The following PKIB variants were observed in gnomAD, a reference collection of about 807,000 sequenced individuals.
PKIB encodes PKI-beta.
Under a neutral mutation model 4.5 loss-of-function variants are expected in PKIB, and 2 were observed. The ratio of observed to expected loss-of-function variants is 0.44; its 90% CI spans 0.18 to 1.39. The LOEUF (loss-of-function observed/expected upper bound fraction) is 1.39. Among genes scored for constraint, PKIB ranks in the 40% most tolerant of loss-of-function variants. The pLI is 0.27. For synonymous variants in PKIB, 38 were observed against 36.0 expected (o/e 1.06, Z -0.20); for missense variants, 94 against 92.6 (o/e 1.02, Z -0.06).
intron 2 of PKIB, among the ~76,000 whole-genome samples, chr6:122,535,614 C>G (rs774706112): frequency 3.5e-4 from 53 of 152,132 alleles, no homozygotes; most frequent in Non-Finnish European, 6.5e-4. Context: ...CTTGCACTTG[C>G]TGACTGTTGT....
chr6:122,662,270 A>AAGGTCTCT (rs1491523751), intron 2 of PKIB, among the ~76,000 whole-genome samples: 1 of 131,164 alleles, frequency 7.6e-6, no homozygotes, highest in East Asian at 2.3e-4. Context: ...TGCCTAAACC[A>AAGGTCTCT]AGGTCTCTTT....
chr6:122,583,555 G>A (rs1485523880), intron 2 of PKIB, among the ~76,000 whole-genome samples: 1 of 151,938 alleles, frequency 6.6e-6, no homozygotes, highest in Non-Finnish European at 1.5e-5. Flanking sequence ...TATTACTTTA[G>A]TATGCTACTA....
At chr6:122,503,224 G>C (rs1012663945) in intron 2 of PKIB, among the ~76,000 whole-genome samples, 1 of 152,146 alleles carries the variant, frequency 6.6e-6, no homozygotes, top group Non-Finnish European at 1.5e-5. Flanking sequence ...AAATTTGCAG[G>C]GGACATGAAC....
chr6:122,684,567 A>G (rs1206023708), intron 3 of PKIB, among the ~76,000 whole-genome samples: 1 of 152,130 alleles, frequency 6.6e-6, no homozygotes, highest in Non-Finnish European at 1.5e-5. Context: ...AAATTATAGA[A>G]ACCACCATTA....
intron 2 of PKIB, among the ~76,000 whole-genome samples, chr6:122,484,584 G>A (rs1456986348): frequency 6.6e-6 from 1 of 152,102 alleles, no homozygotes; most frequent in Non-Finnish European, 1.5e-5. Flanking sequence ...ATTTTCAGTA[G>A]GTTTGCTATT....
chr6:122,614,723 T>A (rs1409266386), intron 1 of PKIB, among the ~76,000 whole-genome samples: 2 of 152,184 alleles, frequency 1.3e-5, no homozygotes. Context: ...TGGATTGAGC[T>A]AATACATCTC....
intron 3 of PKIB, among the ~76,000 whole-genome samples, chr6:122,590,974 T>C (rs1774000170): frequency 6.6e-6 from 1 of 152,064 alleles, no homozygotes; most frequent in African/African-American, 2.4e-5. Context: ...TTCTTTAGAA[T>C]TGCCCTTGCT....
At chr6:122,579,922 G>T (rs1038141959) in intron 2 of PKIB, among the ~76,000 whole-genome samples, 2 of 152,140 alleles carry the variant, frequency 1.3e-5, no homozygotes. Flanking sequence ...GCAAATAAAA[G>T]AAGACATCGT....
chr6:122,615,733 A>G (rs950839589), intron 1 of PKIB, among the ~76,000 whole-genome samples: 4 of 152,320 alleles, frequency 2.6e-5, no homozygotes, highest in African/African-American at 9.6e-5. Flanking sequence ...AAAGACACAT[A>G]GAGGGTAGAC....
At chr6:122,668,736 A>G (rs963932422) in intron 2 of PKIB, among the ~76,000 whole-genome samples, 7 of 152,214 alleles carry the variant, frequency 4.6e-5, no homozygotes, top group African/African-American at 1.7e-4. Context: ...TTCCAGGAAT[A>G]TTAGCACATC....
chr6:122,475,968 A>G (rs1582644170), intron 1 of PKIB, among the ~76,000 whole-genome samples: 1 of 152,108 alleles, frequency 6.6e-6, no homozygotes, highest in South Asian at 2.1e-4. Context: ...TATAAACTTT[A>G]TTTTTTATCC....
At chr6:122,614,524 C>G (rs1262323441) in intron 1 of PKIB, among the ~76,000 whole-genome samples, 1 of 151,954 alleles carries the variant, frequency 6.6e-6, no homozygotes, top group Non-Finnish European at 1.5e-5. Context: ...AGTAAGCATC[C>G]CCATGGGGGT....
intron 3 of PKIB, among the ~76,000 whole-genome samples, chr6:122,708,143 A>G (rs1215149181): frequency 1.3e-5 from 2 of 152,200 alleles, no homozygotes; most frequent in African/African-American, 2.4e-5. Context: ...AACAACTGCA[A>G]TCATAAGTAA....
At chr6:122,647,759 G>A (rs1776383571) in intron 2 of PKIB, among the ~76,000 whole-genome samples, 1 of 152,198 alleles carries the variant, frequency 6.6e-6, no homozygotes, top group Non-Finnish European at 1.5e-5. Context: ...AAAATTTACA[G>A]AATTGCTTCT....
intron 2 of PKIB, among the ~76,000 whole-genome samples, chr6:122,664,741 T>G (rs1777152373): frequency 1.3e-5 from 2 of 152,208 alleles, no homozygotes; most frequent in African/African-American, 4.8e-5. Context: ...TTGTTTATTT[T>G]TGTTTTGTTT....
chr6:122,554,674 G>T (rs1018287102), intron 2 of PKIB, among the ~76,000 whole-genome samples: 10 of 152,144 alleles, frequency 6.6e-5, no homozygotes, highest in African/African-American at 1.9e-4. Context: ...CTATTATTCA[G>T]GGGTAAGTAT....
intron 2 of PKIB, among the ~76,000 whole-genome samples, chr6:122,642,416 A>T (rs1345300530): frequency 6.6e-6 from 1 of 152,226 alleles, no homozygotes; most frequent in Non-Finnish European, 1.5e-5. Context: ...ACACGCAGAG[A>T]GCTAAGATAA....
chr6:122,570,860 C>G (rs1438942526), intron 2 of PKIB, among the ~76,000 whole-genome samples: 5 of 151,972 alleles, frequency 3.3e-5, no homozygotes, highest in African/African-American at 1.2e-4. Context: ...TGTAACACCC[C>G]CAAAAGATCA....
chr6:122,485,457 A>C (rs1775739092), intron 2 of PKIB, among the ~76,000 whole-genome samples: 1 of 152,224 alleles, frequency 6.6e-6, no homozygotes. Context: ...TAATGTATCA[A>C]AGTGGCATCA....
Sources: gnomAD v4.1 joint callset for allele counts (sites outside exome capture counted in the v4.1 genomes callset) on GRCh38, gnomAD v4.1.1 for gene constraint, MANE v1.5 for transcripts, NCBI Gene and HGNC (gene_info 2026-07-23, HGNC 2026-07-21) for gene names.